Variants in GRIK1 observed in about 807,000 individuals in gnomAD.
GRIK1 encodes the protein glutamate ionotropic receptor kainate type subunit 1.
GRIK1 carries 69 observed loss-of-function variants against 105.7 expected under a neutral mutation model. The observed-to-expected ratio is 0.65, with a 90% CI of 0.54 to 0.80. The LOEUF is 0.80. Among genes scored for constraint, GRIK1 ranks in the 30% least tolerant of loss-of-function variants. The probability of loss-of-function intolerance (pLI) is 0.00; values close to 1 mark genes in which losing one functional copy is unlikely to be tolerated. For missense variants in GRIK1, 1,109 were observed against 1,167.3 expected, an observed-to-expected ratio of 0.95 and a Z score of 0.73; for synonymous variants, 438 against 431.3, an observed-to-expected ratio of 1.02 and a Z score of -0.19.
chr21:29,560,392 C>CTTTCTTTCTTTCTTT (rs769166953), intron 15 of GRIK1, among the ~76,000 whole-genome samples: 624 of 55,786 alleles, frequency 0.011, 100 homozygotes, highest in Non-Finnish European at 0.014. Flanking sequence ...TTCCTTCCTT[C>CTTTCTTTCTTTCTTT]CTTCCTTCCT....
intron 14 of GRIK1, among the ~76,000 whole-genome samples, chr21:29,564,708 G>T (rs2090571530): frequency 6.6e-6 from 1 of 152,134 alleles, no homozygotes. Context: ...TCCTGCATGG[G>T]ACGAATATGT....
intron 3 of GRIK1, 89 bp from the exon 4 acceptor site, chr21:29,673,253 A>G: frequency 1.2e-6 from 1 of 815,976 alleles, no homozygotes; most frequent in East Asian, 2.6e-5. Context: ...TTTCAACTCC[A>G]AAACATACCC....
chr21:29,792,717 G>A (rs945827518), intron 1 of GRIK1, among the ~76,000 whole-genome samples: 1 of 152,182 alleles, frequency 6.6e-6, no homozygotes, highest in African/African-American at 2.4e-5. Context: ...CGAAGGCATG[G>A]TGTGGACTCA....
At chr21:29,827,142 GTTAA>G (rs2067483106) in intron 1 of GRIK1, among the ~76,000 whole-genome samples, 1 of 151,996 alleles carries the variant, frequency 6.6e-6, no homozygotes, top group African/African-American at 2.4e-5. Context: ...TGCTTAACTG[GTTAA>G]TTATTATCAG....
intron 16 of GRIK1, among the ~76,000 whole-genome samples, chr21:29,541,285 C>T (rs1601063943): frequency 6.6e-6 from 1 of 152,146 alleles, no homozygotes; most frequent in East Asian, 1.9e-4. Context: ...CTTTTAATTA[C>T]AGTTTAGAAT....
At chr21:29,822,415 G>A (rs2145929244) in intron 1 of GRIK1, among the ~76,000 whole-genome samples, 1 of 152,060 alleles carries the variant, frequency 6.6e-6, no homozygotes, top group African/African-American at 2.4e-5. Flanking sequence ...CATGACTTTA[G>A]CAGACAATTC....
rs546672681 is a variant in GRIK1, at chr21:29,630,860, C to T, written c.1098+11966G>A. The T allele has an allele frequency of 2.1e-5, 7 of 329,558 alleles. No individual in the cohort carries two copies. The East Asian group carries it at 2.6e-4, about 12-fold the overall frequency. The allele number at this position is 329,558 out of a possible 1,614,324, so 20.4% of individuals were successfully genotyped here. ...TGTCACCTAGGCTGGAGTGCAGTGG[C>T]GAGATCATGGCTGTTTGCAACCTCT... On this transcript the variant is annotated intron_variant, in intron 7 of 17. Coordinates refer to ENST00000327783, the MANE Select transcript of GRIK1 (RefSeq NM_001330994.2).
rs1411435629 is a variant in GRIK1 at position 29,570,045 on chromosome 21, C to A, written c.2130+6919G>T. Among the ~76,000 whole-genome samples, 6 of 152,046 alleles carry A rather than the reference C, an allele frequency of 3.9e-5. No homozygotes were observed. The East Asian group carries it at 1.2e-3, about 29-fold the overall frequency. On this transcript the variant is annotated intron_variant, in intron 14 of 17. Coordinates refer to ENST00000327783, the MANE Select transcript of GRIK1 (RefSeq NM_001330994.2). ...CATCTCCTAAGATGCTGGTGGTGGTCCCAGGGAGTTGGGAGCGAAGGAAAT... is the reference window on the plus strand; with the variant it reads ...CATCTCCTAAGATGCTGGTGGTGGTACCAGGGAGTTGGGAGCGAAGGAAAT...
At chr21:29,897,886 ATTT>A (rs1461833198) in intron 1 of GRIK1, among the ~76,000 whole-genome samples, 2 of 152,366 alleles carry the variant, frequency 1.3e-5, no homozygotes, top group Non-Finnish European at 2.9e-5. Context: ...TTTGACATAT[ATTT>A]GAATAAAACT....
chr21:29,721,200 A>G (rs950518414), intron 1 of GRIK1, among the ~76,000 whole-genome samples: 1 of 152,228 alleles, frequency 6.6e-6, no homozygotes, highest in East Asian at 1.9e-4. Context: ...AAATTTGCAT[A>G]TCTTTTTTCC....
chr21:29,643,909 T>G (rs11910336), intron 6 of GRIK1, among the ~76,000 whole-genome samples: 1 of 150,418 alleles, frequency 6.6e-6, no homozygotes, highest in African/African-American at 2.4e-5. Context: ...GGCACACACA[T>G]GCACACACAC....
intron 3 of GRIK1, among the ~76,000 whole-genome samples, chr21:29,681,667 C>T (rs1049618187): frequency 3.3e-5 from 5 of 152,166 alleles, no homozygotes; most frequent in Non-Finnish European, 7.3e-5. Context: ...GACTCACCAC[C>T]GTTCAACAAT....
intron 7 of GRIK1, among the ~76,000 whole-genome samples, chr21:29,641,534 G>T (rs903160101): frequency 7.9e-5 from 12 of 152,098 alleles, no homozygotes; most frequent in African/African-American, 1.9e-4. Flanking sequence ...CAATAGACTT[G>T]CCCAGGTTAT....
In GRIK1 at chr21:29,937,766, C is replaced by T. The variant is rs943624202; in HGVS notation, c.118+1617G>A. Among the ~76,000 whole-genome samples, 30 of 150,818 alleles carry T rather than the reference C, an allele frequency of 2.0e-4. 1 individual carries two copies. Among genetic ancestry groups the T allele is most frequent in the Middle Eastern group, 3.4e-3 (1 of 292 alleles). On this transcript the variant is annotated intron_variant, in intron 1 of 17. Transcript: ENST00000327783. ...TAAGTATTGGAAATTATAACACACA[C>T]GCTCATTAGTTACTTTGTATTGTTC... is the stretch of plus-strand genomic sequence containing the variant.
At chr21:29,755,513 G>A (rs2065314538) in intron 1 of GRIK1, among the ~76,000 whole-genome samples, 2 of 152,214 alleles carry the variant, frequency 1.3e-5, no homozygotes, top group South Asian at 4.1e-4. Flanking sequence ...TCTGAGGCAT[G>A]AGGTTTAAAT....
chr21:29,788,111 G>C (rs1037128052), intron 1 of GRIK1, among the ~76,000 whole-genome samples: 4 of 152,164 alleles, frequency 2.6e-5, no homozygotes, highest in African/African-American at 9.7e-5. Flanking sequence ...AAATCAAAGA[G>C]ACAGTCTATA....
At chr21:29,913,753 T>G (rs1225075455) in intron 1 of GRIK1, among the ~76,000 whole-genome samples, 1 of 151,572 alleles carries the variant, frequency 6.6e-6, no homozygotes, top group East Asian at 1.9e-4. Flanking sequence ...CAGAAGTGAT[T>G]AAATCTTATG....
At chr21:29,828,465 T>TA (rs72551942) in intron 1 of GRIK1, among the ~76,000 whole-genome samples, 1 of 25,374 alleles carries the variant, frequency 3.9e-5, no homozygotes, top group African/African-American at 8.0e-5. Flanking sequence ...GCAGGAATGG[T>TA]GAAAGCACTT....
intron 1 of GRIK1, among the ~76,000 whole-genome samples, chr21:29,888,181 C>CT (rs1322730467): frequency 0.066 from 716 of 10,928 alleles, 120 homozygotes; most frequent in Admixed American, 0.1. Flanking sequence ...TTCTTTCTTT[C>CT]TTCCTTTCTT....
Sources: allele counts gnomAD v4.1 joint callset (sites outside exome capture counted in the v4.1 genomes callset), GRCh38; gene constraint gnomAD v4.1.1; transcripts MANE v1.5; gene names NCBI Gene and HGNC (gene_info 2026-07-23, HGNC 2026-07-21).